NLGN4Y: variants seen among roughly 807,000 people sequenced by gnomAD.
The protein encoded by NLGN4Y is neuroligin 4 Y-linked.
In NLGN4Y, 4 loss-of-function variants were observed where a neutral mutation model predicts 8.4. That is an observed-to-expected ratio of 0.48 (90% CI 0.23 to 1.09). NLGN4Y has a LOEUF of 1.09. Ranked by LOEUF, NLGN4Y falls within the 50% of genes least tolerant of loss-of-function variation. NLGN4Y has a pLI of 0.19. For synonymous variants in NLGN4Y, 35 were observed against 75.6 expected (o/e 0.46, Z 2.78); for missense variants, 90 against 192.3 (o/e 0.47, Z 3.15).
At chrY:14,725,795 A>C in intron 4 of NLGN4Y, among the ~76,000 whole-genome samples, 1 of 33,491 alleles carries the variant, frequency 3.0e-5, no homozygotes, top group African/African-American at 1.2e-4. Flanking sequence ...GCCAGAACCC[A>C]AGATTTGTGA....
chrY:14,624,656 C>G (rs2080522205), intron 2 of NLGN4Y, among the ~76,000 whole-genome samples: 1 of 33,472 alleles, frequency 3.0e-5, no homozygotes, highest in African/African-American at 1.2e-4. Context: ...AGCTACAGCC[C>G]TGCATGTTTA....
At chrY:14,590,473 A>G in intron 1 of NLGN4Y, among the ~76,000 whole-genome samples, 1 of 33,132 alleles carries the variant, frequency 3.0e-5, no homozygotes, top group Non-Finnish European at 7.5e-5. Context: ...TCAGAGGGGA[A>G]CTCTCTAGGC....
chrY:14,798,576 G>A, intron 4 of NLGN4Y: 1 of 32,914 alleles, frequency 3.0e-5, no homozygotes, highest in Non-Finnish European at 7.5e-5. Flanking sequence ...TATTTACCAA[G>A]TTATCTTTTA....
chrY:14,704,953 G>A, intron 2 of NLGN4Y, among the ~76,000 whole-genome samples: 5 of 33,296 alleles, frequency 1.5e-4, no homozygotes, highest in African/African-American at 2.3e-4. Context: ...TTGTGTAGAG[G>A]TGTTTATAGT....
At chrY:14,702,709 T>C in intron 2 of NLGN4Y, among the ~76,000 whole-genome samples, 1 of 33,382 alleles carries the variant, frequency 3.0e-5, no homozygotes, top group Non-Finnish European at 7.4e-5. Context: ...TTGGTATTTC[T>C]AGTTCTAGAT....
At chrY:14,733,641 T>G in intron 4 of NLGN4Y, 1 of 125,898 alleles carries the variant, frequency 7.9e-6, no homozygotes, top group Non-Finnish European at 1.5e-5. Flanking sequence ...AGTTTCTTAG[T>G]GAAACACGGC....
intron 1 of NLGN4Y, among the ~76,000 whole-genome samples, chrY:14,556,940 A>T (rs937258892): frequency 4.4e-4 from 15 of 33,806 alleles, no homozygotes; most frequent in African/African-American, 1.7e-3. Flanking sequence ...ACAGAGTTAA[A>T]TCACTTACTC....
intron 2 of NLGN4Y, among the ~76,000 whole-genome samples, chrY:14,681,142 A>G: frequency 3.0e-5 from 1 of 33,530 alleles, no homozygotes; most frequent in Non-Finnish European, 7.4e-5. Context: ...TTCTTGCTAT[A>G]TTAGCCTATT....
At chrY:14,800,055 T>G in intron 4 of NLGN4Y, among the ~76,000 whole-genome samples, 1 of 33,132 alleles carries the variant, frequency 3.0e-5, no homozygotes, top group Non-Finnish European at 7.4e-5. Flanking sequence ...GTAGATCCAT[T>G]GTGGAGCTTT....
At chrY:14,722,301 GT>G (rs2080937527) in intron 3 of NLGN4Y, among the ~76,000 whole-genome samples, 1 of 32,366 alleles carries the variant, frequency 3.1e-5, no homozygotes, top group East Asian at 8.1e-4. Flanking sequence ...CTATTTTTAA[GT>G]TTTTATTGTT....
rs750485504 is a variant in NLGN4Y, at chrY:14,526,578, T to TTGTG, written c.-112+1886_-112+1889dup. On this transcript the variant is annotated intron_variant, in intron 1 of 6. Coordinates refer to ENST00000684976, the MANE Select transcript of NLGN4Y (RefSeq NM_001365588.1). ...GTGGATTAAAATCGGAGGCTTGATT[T>TTGTG]TGTGTGTGTGTGTGTGTGTAACACT... Among the ~76,000 whole-genome samples, 5 of 30,352 alleles carry TTGTG rather than the reference T, an allele frequency of 1.6e-4. No individual in the cohort carries two copies. In the South Asian group the frequency reaches 2.2e-3, roughly 14 times the overall value. The allele number at this position is 30,352 out of a possible 37,273, so 81.4% of individuals were successfully genotyped here. A position where few individuals can be genotyped will look rare whatever the true frequency, so the allele number is the denominator to read the frequency against.
chrY:14,843,176 A>C lies in NLGN4Y; in HGVS notation c.*1914A>C. On this transcript the variant is annotated 3_prime_UTR_variant, in exon 7 of 7. Coordinates refer to ENST00000684976, the MANE Select transcript of NLGN4Y (RefSeq NM_001365588.1). ...GGGAGTGACCTCTAGAAAAAAGAAA[A>C]CTGTTTTTAGAAATACATAAAATCA... 3.3e-5 allele frequency: 4 copies of C among 119,775 alleles called. No homozygotes were observed. The highest frequency in any genetic ancestry group is 7.2e-5 in the Non-Finnish European group (4 of 55,816). 29.9% of individuals were successfully genotyped at this position (119,775 alleles called of 400,897 possible).
chrY:14,532,810 C>T (rs2080119178), intron 1 of NLGN4Y, among the ~76,000 whole-genome samples: 3 of 29,508 alleles, frequency 1.0e-4, no homozygotes, highest in Non-Finnish European at 2.4e-4. Context: ...ACTTCCCTCC[C>T]TCCTTCCTTC....
intron 1 of NLGN4Y, among the ~76,000 whole-genome samples, chrY:14,600,538 T>C: frequency 3.1e-5 from 1 of 32,372 alleles, no homozygotes; most frequent in Non-Finnish European, 7.5e-5. Context: ...ATATAATAAG[T>C]TAAGTACAAA....
intron 2 of NLGN4Y, among the ~76,000 whole-genome samples, chrY:14,687,362 G>A: frequency 3.1e-5 from 1 of 32,384 alleles, no homozygotes; most frequent in Non-Finnish European, 7.6e-5. Context: ...GCACAGAGCA[G>A]TGTAATTGTC....
At chrY:14,806,126 G>A (rs761055076) in intron 4 of NLGN4Y, among the ~76,000 whole-genome samples, 26 of 33,576 alleles carry the variant, frequency 7.7e-4, no homozygotes, top group African/African-American at 2.3e-3. Context: ...GGGCAACCAT[G>A]CGAGACTCTG....
chrY:14,713,884 G>C (rs992946378), intron 2 of NLGN4Y, among the ~76,000 whole-genome samples: 4 of 33,800 alleles, frequency 1.2e-4, no homozygotes, highest in Non-Finnish European at 2.2e-4. Flanking sequence ...ATATTCTTCA[G>C]GATTAGGGAA....
intron 2 of NLGN4Y, chrY:14,639,898 C>A: frequency 1.8e-5 from 2 of 112,046 alleles, no homozygotes; most frequent in East Asian, 2.3e-4. Flanking sequence ...CCAGAATAGA[C>A]CCCTGTGCAA....
chrY:14,801,798 G>C, intron 4 of NLGN4Y, among the ~76,000 whole-genome samples: 1 of 32,409 alleles, frequency 3.1e-5, no homozygotes, highest in African/African-American at 1.2e-4. Context: ...CTTCCATTAC[G>C]TGTGGCGGTA....
Sources: gnomAD v4.1 joint callset for allele counts (sites outside exome capture counted in the v4.1 genomes callset) on GRCh38, gnomAD v4.1.1 for gene constraint, MANE v1.5 for transcripts, NCBI Gene and HGNC (gene_info 2026-07-23, HGNC 2026-07-21) for gene names.